PAM: variants seen among roughly 807,000 people sequenced by gnomAD.
The protein encoded by PAM is peptidylglycine alpha-amidating monooxygenase.
Under a neutral mutation model 122.1 loss-of-function variants are expected in PAM, and 72 were observed. The observed-to-expected ratio is 0.59, with a 90% confidence interval of 0.49 to 0.72. PAM has a LOEUF of 0.72. Among genes scored for constraint, PAM ranks in the 30% least tolerant of loss-of-function variants. The pLI, the probability that PAM is intolerant of heterozygous loss-of-function variation, is 0.00. For synonymous variants in PAM, 389 were observed against 404.4 expected (o/e 0.96, Z 0.46); for missense variants, 1,106 against 1,183.7 (o/e 0.93, Z 0.96).
At chr5:102,922,666 T>C (rs1005795405) in intron 5 of PAM, among the ~76,000 whole-genome samples, 2 of 152,228 alleles carry the variant, frequency 1.3e-5, no homozygotes, top group Admixed American at 6.5e-5. Flanking sequence ...TAGTCATCCA[T>C]TGAAAATCAA....
chr5:102,769,161 C>A (rs1264474968), intron 1 of PAM, among the ~76,000 whole-genome samples: 1 of 152,022 alleles, frequency 6.6e-6, no homozygotes, highest in Non-Finnish European at 1.5e-5. Flanking sequence ...TGAGAAATGT[C>A]TATTCAGATC....
chr5:103,018,779 A>G (rs932237937), intron 22 of PAM, among the ~76,000 whole-genome samples: 4 of 152,210 alleles, frequency 2.6e-5, no homozygotes, highest in African/African-American at 7.2e-5. Context: ...TAATATTTCA[A>G]TCTGAGGCCC....
intron 1 of PAM, among the ~76,000 whole-genome samples, chr5:102,783,230 CA>C (rs11329964): frequency 0.43 from 52,013 of 122,060 alleles, 8,888 homozygotes; most frequent in Non-Finnish European, 0.46. Flanking sequence ...CCAGATTTAG[CA>C]AAAAAAAAAA....
chr5:102,845,359 T>C (rs913511593), intron 1 of PAM, among the ~76,000 whole-genome samples: 3 of 152,162 alleles, frequency 2.0e-5, no homozygotes, highest in Admixed American at 6.5e-5. Flanking sequence ...GTGGAGACAA[T>C]TGACAGGCAT....
At chr5:102,899,688 A>T (rs1367661003) in intron 3 of PAM, among the ~76,000 whole-genome samples, 2 of 151,746 alleles carry the variant, frequency 1.3e-5, no homozygotes, top group Admixed American at 1.3e-4. Flanking sequence ...GGTGTCCAAG[A>T]TAAATAAGCC....
At chr5:102,851,814 T>C (rs1449284918) in intron 1 of PAM, among the ~76,000 whole-genome samples, 2 of 152,224 alleles carry the variant, frequency 1.3e-5, no homozygotes, top group Non-Finnish European at 2.9e-5. Context: ...ACTTTCACCT[T>C]TGTGTTTTTT....
intron 6 of PAM, among the ~76,000 whole-genome samples, chr5:102,926,200 T>C (rs1749459270): frequency 6.6e-6 from 1 of 152,120 alleles, no homozygotes; most frequent in South Asian, 2.1e-4. Context: ...GTTCACGCCA[T>C]TCTCCTGCCT....
In PAM at chr5:102,959,909, A is replaced by G. The variant is rs749960265; in HGVS notation, c.940A>G (p.Ile314Val). 27 of 1,612,484 alleles carry G rather than the reference A, an allele frequency of 1.7e-5. No homozygotes were observed. The highest frequency in any genetic ancestry group is 1.4e-5 in the Non-Finnish European group (16 of 1,178,934). Reference protein sequence around the residue: ...TSSDEMCNLYIMYYMEAKHAV... With the variant: ...TSSDEMCNLYVMYYMEAKHAV... Reference sequence around the variant, plus strand: ...TAGTGATGAAATGTGCAACTTATACATTATGTATTACATGGAAGCCAAGCA... The same window carrying G: ...TAGTGATGAAATGTGCAACTTATACGTTATGTATTACATGGAAGCCAAGCA... Residue 314 changes from isoleucine to valine, a missense_variant, in exon 13 of 26, where the codon ATT becomes GTT. Physicochemically the swap from Ile to Val is conservative, Grantham distance 29. Around this residue, in one of 3 missense-constraint regions of PAM, gnomAD observed 670 missense variants for 690.3 expected, o/e 0.97. Coordinates refer to ENST00000438793, the MANE Select transcript of PAM (RefSeq NM_001177306.2).
chr5:102,801,231 A>G (rs1355569809), intron 1 of PAM, among the ~76,000 whole-genome samples: 3 of 152,220 alleles, frequency 2.0e-5, no homozygotes, highest in African/African-American at 7.2e-5. Flanking sequence ...ATAGTATAAA[A>G]TAAAACAGGT....
chr5:102,756,817 C>T (rs1750520625), intron 1 of PAM, among the ~76,000 whole-genome samples: 1 of 152,118 alleles, frequency 6.6e-6, no homozygotes, highest in Non-Finnish European at 1.5e-5. Flanking sequence ...CCTGTCGTTC[C>T]TGCATTCCTG....
intron 1 of PAM, among the ~76,000 whole-genome samples, chr5:102,785,546 G>C (rs1380822444): frequency 1.3e-5 from 2 of 152,156 alleles, no homozygotes; most frequent in Non-Finnish European, 2.9e-5. Context: ...AAGGAAGGAA[G>C]GTGGTGGGAT....
intron 5 of PAM, among the ~76,000 whole-genome samples, chr5:102,922,190 A>G (rs1317851434): frequency 6.6e-6 from 1 of 151,920 alleles, no homozygotes; most frequent in Non-Finnish European, 1.5e-5. Flanking sequence ...TGAAGATATT[A>G]TCCTACATAC....
At chr5:103,019,870 A>G (rs756170176) in intron 23 of PAM, 27 bp downstream of exon 23, 1 of 1,436,570 alleles carries the variant, frequency 7.0e-7, no homozygotes, top group South Asian at 1.1e-5. Context: ...TTATTACTAT[A>G]AAACCAAAGT....
intron 21 of PAM, among the ~76,000 whole-genome samples, chr5:103,013,458 G>A (rs747329366): frequency 1.4e-4 from 21 of 151,914 alleles, no homozygotes; most frequent in African/African-American, 1.9e-4. Flanking sequence ...AGTTTTTTTG[G>A]TAGAGTCTTT....
intron 3 of PAM, among the ~76,000 whole-genome samples, chr5:102,867,655 G>A (rs1212402903): frequency 3.3e-5 from 5 of 152,176 alleles, no homozygotes; most frequent in Admixed American, 3.3e-4. Flanking sequence ...TACATTTTGA[G>A]ATTCTCTGTG....
intron 5 of PAM, among the ~76,000 whole-genome samples, chr5:102,915,955 G>A (rs1414863812): frequency 1.3e-5 from 2 of 151,830 alleles, no homozygotes; most frequent in Non-Finnish European, 2.9e-5. Context: ...TCCACATTGG[G>A]GAATAAGAAG....
intron 7 of PAM, among the ~76,000 whole-genome samples, chr5:102,936,418 C>T (rs944838280): frequency 2.0e-5 from 3 of 152,122 alleles, no homozygotes; most frequent in African/African-American, 7.2e-5. Context: ...TTACCCATTA[C>T]ACCAAAGATT....
intron 16 of PAM, among the ~76,000 whole-genome samples, chr5:103,002,271 T>C (rs1777625066): frequency 6.6e-6 from 1 of 152,144 alleles, no homozygotes; most frequent in African/African-American, 2.4e-5. Flanking sequence ...TAAATGGAAA[T>C]ATAATTTTGA....
intron 23 of PAM, among the ~76,000 whole-genome samples, chr5:103,022,018 GA>G (rs1425496633): frequency 1.4e-4 from 22 of 151,914 alleles, no homozygotes; most frequent in Admixed American, 1.4e-3. Flanking sequence ...AAAAACTGAT[GA>G]AAAGGATTAA....
Sources: allele counts gnomAD v4.1 joint callset (sites outside exome capture counted in the v4.1 genomes callset), GRCh38; gene constraint gnomAD v4.1.1; regional missense constraint gnomAD v4.1.1; transcripts MANE v1.5; gene names NCBI Gene and HGNC (gene_info 2026-07-23, HGNC 2026-07-21).